Variants in ARID5B observed in about 807,000 individuals in gnomAD.
ARID5B encodes AT-rich interaction domain 5B.
A neutral mutation model predicts 97.2 loss-of-function variants in ARID5B; 13 were observed. That is an observed-to-expected ratio of 0.13 (90% CI 0.09 to 0.21). ARID5B has a LOEUF of 0.21. Among genes scored for constraint, ARID5B ranks in the 10% least tolerant of loss-of-function variants. The probability of loss-of-function intolerance (pLI) is 1.00; values close to 1 mark genes in which losing one functional copy is unlikely to be tolerated. For missense variants in ARID5B, 1,210 were observed against 1,465.3 expected, an observed-to-expected ratio of 0.83 and a Z score of 2.84; for synonymous variants, 556 against 570.3, an observed-to-expected ratio of 0.97 and a Z score of 0.36.
chr10:61,943,205 A>G (rs1407550283), intron 3 of ARID5B, among the ~76,000 whole-genome samples: 1 of 152,202 alleles, frequency 6.6e-6, no homozygotes, highest in Non-Finnish European at 1.5e-5. Flanking sequence ...TTGAGGAGAT[A>G]GGGGGTGTCA....
intron 4 of ARID5B, among the ~76,000 whole-genome samples, chr10:62,021,029 A>AATATATATATATATATAT (rs10528323): frequency 2.8e-5 from 3 of 106,854 alleles, no homozygotes; most frequent in African/African-American, 8.0e-5. Flanking sequence ...TTGTCACATG[A>AATATATATATATATATAT]ATATATATAT....
At chr10:61,920,235 C>A (rs2132768805) in intron 2 of ARID5B, among the ~76,000 whole-genome samples, 1 of 152,038 alleles carries the variant, frequency 6.6e-6, no homozygotes, top group South Asian at 2.1e-4. Flanking sequence ...GACAGGAGGA[C>A]AGGGTCTGCA....
At chr10:61,932,413 C>CTTTTTTTTTTT (rs200321468) in intron 2 of ARID5B, among the ~76,000 whole-genome samples, 1 of 135,518 alleles carries the variant, frequency 7.4e-6, no homozygotes, top group Non-Finnish European at 1.6e-5. Flanking sequence ...TTTTCTTTTT[C>CTTTTTTTTTTT]TTTTTTTTTT....
At chr10:61,910,794 G>A (rs1471556727) in intron 2 of ARID5B, among the ~76,000 whole-genome samples, 2 of 152,222 alleles carry the variant, frequency 1.3e-5, no homozygotes, top group African/African-American at 2.4e-5. Context: ...CAGCGTTAAA[G>A]ATGGATATTT....
intron 4 of ARID5B, among the ~76,000 whole-genome samples, chr10:62,038,665 C>G (rs1443680937): frequency 4.6e-5 from 7 of 152,214 alleles, no homozygotes; most frequent in Non-Finnish European, 7.3e-5. Flanking sequence ...TGTCCAATCT[C>G]CACATAAGAG....
chr10:61,908,704 G>A (rs1843745364), intron 2 of ARID5B, among the ~76,000 whole-genome samples: 1 of 150,194 alleles, frequency 6.7e-6, no homozygotes, highest in Non-Finnish European at 1.5e-5. Context: ...GGAGGCTGAG[G>A]CAGGAGAATG....
At chr10:61,991,287 C>T (rs1287004025) in intron 3 of ARID5B, among the ~76,000 whole-genome samples, 1 of 152,162 alleles carries the variant, frequency 6.6e-6, no homozygotes, top group Non-Finnish European at 1.5e-5. Flanking sequence ...TTCATCATGG[C>T]TGCACCATTT....
intron 4 of ARID5B, among the ~76,000 whole-genome samples, chr10:62,010,949 T>C (rs1453967008): frequency 6.6e-6 from 1 of 152,180 alleles, no homozygotes; most frequent in Admixed American, 6.5e-5. Flanking sequence ...GAATATAATA[T>C]AGATCACAGT....
intron 4 of ARID5B, among the ~76,000 whole-genome samples, chr10:62,012,255 A>C (rs1839227373): frequency 2.0e-5 from 3 of 152,066 alleles, no homozygotes; most frequent in African/African-American, 7.2e-5. Flanking sequence ...GCGGCTAAGA[A>C]AAGTTAAGTA....
intron 3 of ARID5B, among the ~76,000 whole-genome samples, chr10:61,997,144 G>C (rs889828256): frequency 6.6e-6 from 1 of 151,940 alleles, no homozygotes; most frequent in African/African-American, 2.4e-5. Context: ...CAGGATGCAC[G>C]GACAGTTGTA....
chr10:62,084,801 G>C (rs1840259554), intron 8 of ARID5B, among the ~76,000 whole-genome samples: 1 of 152,156 alleles, frequency 6.6e-6, no homozygotes, highest in Non-Finnish European at 1.5e-5. Flanking sequence ...TGTTTAAAAA[G>C]TTATATAATT....
At chr10:61,927,537 C>G (rs1844128651) in intron 2 of ARID5B, among the ~76,000 whole-genome samples, 1 of 152,150 alleles carries the variant, frequency 6.6e-6, no homozygotes, top group South Asian at 2.1e-4. Context: ...CAGGCCTTGG[C>G]TCTTTGGGAA....
chr10:61,964,363 C>G (rs191993464), intron 3 of ARID5B, among the ~76,000 whole-genome samples: 4 of 152,152 alleles, frequency 2.6e-5, no homozygotes, highest in African/African-American at 9.7e-5. Context: ...CATTCTAGTG[C>G]GTTCTAGCCC....
chr10:61,915,583 T>C (rs1843887242), intron 2 of ARID5B, among the ~76,000 whole-genome samples: 1 of 152,166 alleles, frequency 6.6e-6, no homozygotes, highest in Non-Finnish European at 1.5e-5. Flanking sequence ...GAGATGTCCG[T>C]TTGCCCACTG....
At chr10:61,959,487 G>C (rs113372829) in intron 3 of ARID5B, among the ~76,000 whole-genome samples, 493 of 152,246 alleles carry the variant, frequency 3.2e-3, no homozygotes, top group Non-Finnish European at 5.4e-3. Context: ...CATGTCAAGT[G>C]CCTAAATGTT....
Position 62,000,308 on chromosome 10 carries a change from A to T in ARID5B, c.720A>T (p.Ile240=), listed in dbSNP as rs200268128. 2.5e-6 allele frequency: 4 copies of T among 1,607,852 alleles called. No individual in the cohort carries two copies. In the East Asian group the frequency reaches 9.0e-5, roughly 36 times the overall value. ...DHPTLIENES[I]CDEFAPNLKG... ...CGACTCTCATAGAAAACGAGAGTATATGCGATGAGTTTGGTGAGTCTTTTT... is the reference window on the plus strand; with the variant it reads ...CGACTCTCATAGAAAACGAGAGTATTTGCGATGAGTTTGGTGAGTCTTTTT... The change falls in exon 4 of 10, where the codon ATA becomes ATT. Residue 240 remains isoleucine, a synonymous_variant. Transcript: ENST00000279873. The surrounding 1 kb of genome is among the most constrained non-coding windows in gnomAD (Gnocchi z 4.4).
Position 61,938,964 on chromosome 10 carries a change from A to AGTGTGTGTGTGTGTGT in ARID5B, c.277-1194_277-1179dup, listed in dbSNP as rs60329829. 1.5e-3 allele frequency among the ~76,000 whole-genome samples: 186 copies of AGTGTGTGTGTGTGTGT among 125,192 alleles called. 2 individuals are homozygous for AGTGTGTGTGTGTGTGT. The highest frequency in any genetic ancestry group is 3.9e-3 in the Middle Eastern group (1 of 256). The allele number at this position is 125,192 out of a possible 152,430, so 82.1% of individuals were successfully genotyped here. A position where few individuals can be genotyped will look rare whatever the true frequency, so the allele number is the denominator to read the frequency against. On this transcript the variant is annotated intron_variant, in intron 2 of 9. Transcript: ENST00000279873. ...AACCTTTTTTTGTTCGAATTGGAGAAGTGTGTGTGTGTGTGTGTGTGTGTG... is the reference window on the plus strand; with the variant it reads ...AACCTTTTTTTGTTCGAATTGGAGAAGTGTGTGTGTGTGTGTGTGTGTGTGTGTGTGTGTGTGTGTG...
At chr10:62,057,390 G>T (rs1839870846) in intron 6 of ARID5B, 72 bp downstream of exon 6, 1 of 1,446,114 alleles carries the variant, frequency 6.9e-7, no homozygotes, top group South Asian at 1.2e-5. Flanking sequence ...AAATAATTTT[G>T]ACTCAGGATT....
At chr10:62,040,839 C>A (rs906422538) in intron 4 of ARID5B, among the ~76,000 whole-genome samples, 2 of 152,190 alleles carry the variant, frequency 1.3e-5, no homozygotes, top group Non-Finnish European at 1.5e-5. Context: ...ATTTCAGATA[C>A]TCAAGGGACA....
Sources: allele counts gnomAD v4.1 joint callset (sites outside exome capture counted in the v4.1 genomes callset), GRCh38; gene constraint gnomAD v4.1.1; non-coding constraint Gnocchi (gnomAD v3.1); transcripts MANE v1.5; gene names NCBI Gene and HGNC (gene_info 2026-07-23, HGNC 2026-07-21).